The following ACTR6 variants were observed in gnomAD, a reference collection of about 807,000 sequenced individuals.
The protein encoded by ACTR6 is actin related protein 6, also known as actin-related protein 6.
Under a neutral mutation model 52.5 loss-of-function variants are expected in ACTR6, and 50 were observed. The ratio of observed to expected loss-of-function variants is 0.95; its 90% CI spans 0.76 to 1.20. ACTR6 has a LOEUF of 1.20. Among genes scored for constraint, ACTR6 ranks in the 50% most tolerant of loss-of-function variants. ACTR6 has a pLI of 0.00. For missense variants in ACTR6, 344 were observed against 472.4 expected (o/e 0.73, Z 2.52); for synonymous variants, 135 against 147.2 (o/e 0.92, Z 0.60).
chr12:100,214,379 A>T (rs1447628778), intron 8 of ACTR6, among the ~76,000 whole-genome samples: 1 of 152,062 alleles, frequency 6.6e-6, no homozygotes, highest in African/African-American at 2.4e-5. Context: ...TGAAGTATGA[A>T]TCAGAGTTCA....
chr12:100,213,671 T>G (rs137901396), intron 8 of ACTR6, among the ~76,000 whole-genome samples: 13 of 152,216 alleles, frequency 8.5e-5, no homozygotes, highest in African/African-American at 3.1e-4. Context: ...TACTTCTGTT[T>G]GGTCTGGTAT....
chr12:100,220,533 T>C (rs946296082), intron 10 of ACTR6, among the ~76,000 whole-genome samples: 1 of 152,216 alleles, frequency 6.6e-6, no homozygotes, highest in Non-Finnish European at 1.5e-5. Context: ...AATTGAACCA[T>C]TGTGATAAGT....
chr12:100,208,872 A>C (rs1319004350), intron 4 of ACTR6: 2 of 439,484 alleles, frequency 4.6e-6, no homozygotes, highest in Non-Finnish European at 9.1e-6. Flanking sequence ...TCAGCCTCCC[A>C]AGTAGCTGGG....
chr12:100,201,124 C>A, intron 1 of ACTR6: 1 of 1,315,870 alleles, frequency 7.6e-7, no homozygotes. Context: ...TGCGAGGCCC[C>A]GGAAGTGGGA....
chr12:100,218,522 T>C lies in ACTR6; in HGVS notation c.858T>C (p.Asp286=). Residue 286 remains aspartate (D), a synonymous_variant, in exon 9 of 11, where the codon GAT becomes GAC. Coordinates refer to ENST00000188312, the MANE Select transcript of ACTR6 (RefSeq NM_022496.5). This position sits in a 1 kb window ranked among gnomAD's most constrained non-coding sequence, Gnocchi z 4.2. ...AVPEILFNPS[D]IGIQEMGIPE... is the part of the protein sequence containing the mutation. ...CGGAAATACTCTTTAATCCTTCTGA[T>C]ATAGGCATTCAAGAAATGGGAATTC... The C allele has an allele frequency of 6.3e-7, 1 of 1,590,170 alleles. No individual in the cohort carries two copies. The highest frequency in any genetic ancestry group is 2.3e-5 in the East Asian group (1 of 43,198).
chr12:100,217,926 A>G (rs955626304), intron 8 of ACTR6, among the ~76,000 whole-genome samples: 1 of 152,194 alleles, frequency 6.6e-6, no homozygotes, highest in Admixed American at 6.5e-5. Context: ...TGTTCCCTAG[A>G]AACTAGAATC....
At chr12:100,202,885 C>G (rs2096111038) in intron 1 of ACTR6, among the ~76,000 whole-genome samples, 1 of 151,604 alleles carries the variant, frequency 6.6e-6, no homozygotes, top group Non-Finnish European at 1.5e-5. Flanking sequence ...GTTGCTACTT[C>G]TGTACCCTGT....
chr12:100,210,454 C>A, intron 6 of ACTR6, 103 bp downstream of exon 6: 2 of 1,257,858 alleles, frequency 1.6e-6, no homozygotes, highest in Non-Finnish European at 1.1e-6. Flanking sequence ...CATTGTGACT[C>A]ACGCCTGTAA....
At chr12:100,205,415 T>C (rs2096113635) in intron 2 of ACTR6, 1 of 293,278 alleles carries the variant, frequency 3.4e-6, no homozygotes, top group African/African-American at 2.2e-5. Flanking sequence ...ACATAATTGG[T>C]TTGAAATTCA....
At chr12:100,217,123 G>A (rs915501479) in intron 8 of ACTR6, among the ~76,000 whole-genome samples, 6 of 152,120 alleles carry the variant, frequency 3.9e-5, no homozygotes, top group Admixed American at 1.3e-4. Flanking sequence ...AAATATGCCC[G>A]TGTTACAGGG....
At chr12:100,208,993 C>T (rs769633127) in intron 4 of ACTR6, 21 of 323,482 alleles carry the variant, frequency 6.5e-5, no homozygotes, top group Non-Finnish European at 1.2e-4. Context: ...GTCATCTTCC[C>T]GCCTTGGCCT....
In ACTR6 at chr12:100,200,938, C is replaced by A; in HGVS notation, c.68+19C>A. 6.2e-7 allele frequency: 1 copy of A among 1,613,900 alleles called. No individual in the cohort carries two copies. The highest frequency in any genetic ancestry group is 1.1e-5 in the South Asian group (1 of 91,072). ...ATGTGTCGTAAGTACTTTCTTTCTC[C>A]GAGGGACAAGATATATACGCCTAGT... On this transcript the variant is annotated intron_variant, in intron 1 of 10. Transcript: ENST00000188312.
intron 10 of ACTR6, among the ~76,000 whole-genome samples, chr12:100,221,020 A>AC (rs2096127822): frequency 6.6e-6 from 1 of 151,772 alleles, no homozygotes; most frequent in African/African-American, 2.4e-5. Context: ...TGGCAAAAAA[A>AC]AAAAAACAAA....
intron 3 of ACTR6, 28 bp downstream of exon 3, chr12:100,205,772 T>C (rs2153900027): frequency 2.4e-6 from 3 of 1,263,202 alleles, no homozygotes; most frequent in Middle Eastern, 3.9e-4. Context: ...GTATTAAAAT[T>C]CTATTTCCAT....
intron 4 of ACTR6, among the ~76,000 whole-genome samples, chr12:100,209,484 CGGGAAGGT>C (rs1703791725): frequency 6.6e-6 from 1 of 152,158 alleles, no homozygotes; most frequent in Non-Finnish European, 1.5e-5. Context: ...TCATTACCAC[CGGGAAGGT>C]GCTACTGGCA....
chr12:100,210,339 T>A lies in ACTR6; in HGVS notation c.560T>A (p.Ile187Asn), dbSNP rs367645525. The A allele has an allele frequency of 1.9e-6, 3 of 1,614,014 alleles. No homozygotes were observed. The highest frequency in any genetic ancestry group is 2.5e-6 in the Non-Finnish European group (3 of 1,179,952). The change falls in exon 6 of 11, where the codon ATC (isoleucine) becomes AAC (asparagine). Residue 187 changes from isoleucine (I) to asparagine (N), a missense_variant. Ile to Asn is a moderately radical substitution (Grantham distance 149). Transcript: ENST00000188312. ...CTCTTAACCAATCATCTAAAGGAGA[T>A]CATATCTTACAGGTGATGCTTAGCT... is the stretch of plus-strand genomic sequence containing the variant. ...GKLLTNHLKE[I>N]ISYRQLHVMD...
In ACTR6 at chr12:100,205,654, A is replaced by C. The variant is rs542383628; in HGVS notation, c.187-22A>C. On this transcript the variant is annotated intron_variant, in intron 2 of 10. Transcript: ENST00000188312. ...ATTATTCAAATGTTCTTGATAATTA[A>C]ATTTATAAAAACATTTTTTAGGGCT... 2.4e-5 allele frequency: 34 copies of C among 1,422,368 alleles called. No individual in the cohort carries two copies. The African/African-American group carries it at 4.1e-4, about 17-fold the overall frequency. 88.1% of individuals were successfully genotyped at this position (1,422,368 alleles called of 1,614,324 possible).
chr12:100,201,002 A>G, intron 1 of ACTR6, 83 bp downstream of exon 1: 1 of 1,606,542 alleles, frequency 6.2e-7, no homozygotes. Flanking sequence ...ACATCAATGA[A>G]CTGCAGACAC....
chr12:100,212,641 C>T, intron 8 of ACTR6, 113 bp downstream of exon 8: 4 of 678,672 alleles, frequency 5.9e-6, no homozygotes, highest in Non-Finnish European at 1.0e-5. Context: ...AAAGCAAGCC[C>T]CTGTCTCTAT....
Sources: gnomAD v4.1 joint callset for allele counts (sites outside exome capture counted in the v4.1 genomes callset) on GRCh38, gnomAD v4.1.1 for gene constraint, Gnocchi (gnomAD v3.1) non-coding constraint, MANE v1.5 for transcripts, NCBI Gene and HGNC (gene_info 2026-07-23, HGNC 2026-07-21) for gene names.